RYR3: variants seen among roughly 807,000 people sequenced by gnomAD.
The protein encoded by RYR3 is ryanodine receptor 3, also known as brain ryanodine receptor-calcium release channel.
RYR3 carries 207 observed loss-of-function variants against 584.3 expected under a neutral mutation model. The observed-to-expected ratio is 0.35, with a 90% CI of 0.32 to 0.40. The LOEUF is 0.40. RYR3 is among the 10% of genes least tolerant of loss of function. RYR3 has a pLI of 1.00. For missense variants in RYR3, 5,616 were observed against 6,089.2 expected (o/e 0.92, Z 2.59); for synonymous variants, 2,416 against 2,248.5 (o/e 1.07, Z -2.11).
chr15:33,434,947 A>G (rs1007821186), intron 1 of RYR3, among the ~76,000 whole-genome samples: 17 of 152,212 alleles, frequency 1.1e-4, no homozygotes, highest in African/African-American at 3.9e-4. Flanking sequence ...CCTCCCGAGT[A>G]GCTGGGACTA....
At chr15:33,817,027 G>A in intron 75 of RYR3, 69 bp downstream of exon 75, 1 of 897,334 alleles carries the variant, frequency 1.1e-6, no homozygotes, top group Admixed American at 2.1e-5. Context: ...CATGTGTGTG[G>A]TTGTAACAGT....
intron 19 of RYR3, among the ~76,000 whole-genome samples, chr15:33,623,413 A>T (rs971120677): frequency 1.4e-5 from 2 of 147,982 alleles, no homozygotes; most frequent in Non-Finnish European, 3.0e-5. Context: ...TCCCTCGAGA[A>T]GAGTTGAAGT....
At chr15:33,663,040 G>T in intron 35 of RYR3, 92 bp downstream of exon 35, 2 of 1,165,438 alleles carry the variant, frequency 1.7e-6, no homozygotes, top group South Asian at 1.4e-5. Flanking sequence ...AGGAGGTAAG[G>T]TATGTCAAGT....
At chr15:33,687,313 A>G (rs1334930178) in intron 38 of RYR3, among the ~76,000 whole-genome samples, 1 of 152,244 alleles carries the variant, frequency 6.6e-6, no homozygotes, top group Non-Finnish European at 1.5e-5. Context: ...CCCATTCGCA[A>G]TTGCTACAAA....
chr15:33,854,306 A>G, intron 96 of RYR3, 83 bp from the exon 97 acceptor site: 1 of 1,164,804 alleles, frequency 8.6e-7, no homozygotes, highest in Non-Finnish European at 1.2e-6. Context: ...AACCTGAGAG[A>G]AAAAACTTAC....
rs1429796313 is a variant in RYR3, at chr15:33,865,406, A to C, written c.*180A>C. On this transcript the variant is annotated 3_prime_UTR_variant, in exon 104 of 104. Coordinates refer to ENST00000634891, the MANE Select transcript of RYR3 (RefSeq NM_001036.6). ...ATTTGGCTTTTTGTGCCTAATGGAC[A>C]TACACTGTGGGAGAGAACCTGTCAA... The C allele has an allele frequency of 5.2e-6, 3 of 575,516 alleles. No homozygotes were observed. Among genetic ancestry groups the C allele is most frequent in the Middle Eastern group, 3.2e-4 (1 of 3,138 alleles). The allele number at this position is 575,516 out of a possible 1,614,324, so 35.7% of individuals were successfully genotyped here. A position where few individuals can be genotyped will look rare whatever the true frequency, so the allele number is the denominator to read the frequency against.
At chr15:33,398,651 G>C (rs2042440564) in intron 1 of RYR3, among the ~76,000 whole-genome samples, 2 of 152,220 alleles carry the variant, frequency 1.3e-5, no homozygotes, top group African/African-American at 4.8e-5. Flanking sequence ...TCTCTCCCAG[G>C]TGGGTGGAGG....
intron 53 of RYR3, among the ~76,000 whole-genome samples, chr15:33,747,342 A>G (rs911013380): frequency 6.8e-6 from 1 of 146,398 alleles, no homozygotes; most frequent in East Asian, 2.0e-4. Context: ...CATGTTGACT[A>G]CCTATTAAAT....
chr15:33,592,254 C>T (rs1369534366), intron 16 of RYR3, among the ~76,000 whole-genome samples: 3 of 152,200 alleles, frequency 2.0e-5, no homozygotes, highest in Non-Finnish European at 4.4e-5. Context: ...GCTTCACCAT[C>T]CCCTAAGGGC....
chr15:33,432,729 C>T (rs1185330484), intron 1 of RYR3, among the ~76,000 whole-genome samples: 1 of 141,804 alleles, frequency 7.1e-6, no homozygotes, highest in Non-Finnish European at 1.5e-5. Flanking sequence ...ACTATGTTGG[C>T]TAGGCTAGTC....
Position 33,696,205 on chromosome 15 carries a change from G to C in RYR3, c.5861-13G>C, listed in dbSNP as rs756509710. On this transcript the variant is annotated splice_polypyrimidine_tract_variant and intron_variant, in intron 38 of 103. Coordinates refer to ENST00000634891, the MANE Select transcript of RYR3 (RefSeq NM_001036.6). ...GACAGCCACAGTCCTGCTCCCTCCT[G>C]TTGTCCTTCCAGCAACATTGAAGGA... The C allele has an allele frequency of 1.2e-6, 2 of 1,610,796 alleles. No individual in the cohort carries two copies. The highest frequency in any genetic ancestry group is 1.7e-6 in the Non-Finnish European group (2 of 1,178,038).
chr15:33,626,736 G>A (rs1373088065), intron 20 of RYR3, among the ~76,000 whole-genome samples: 1 of 152,174 alleles, frequency 6.6e-6, no homozygotes, highest in African/African-American at 2.4e-5. Context: ...GCTAAAAGGG[G>A]CCAAGGTACA....
At chr15:33,845,658 C>T (rs2078679408) in intron 93 of RYR3, among the ~76,000 whole-genome samples, 1 of 152,170 alleles carries the variant, frequency 6.6e-6, no homozygotes, top group South Asian at 2.1e-4. Flanking sequence ...ATTTCAGGTA[C>T]CTCTTGTTGA....
intron 74 of RYR3, among the ~76,000 whole-genome samples, chr15:33,814,550 C>T (rs1044751173): frequency 2.6e-5 from 4 of 152,134 alleles, no homozygotes; most frequent in African/African-American, 7.2e-5. Flanking sequence ...CCTATAACCT[C>T]GTCCTGAGCC....
Position 33,633,200 on chromosome 15 carries a change from A to G in RYR3, c.3027+92A>G. On this transcript the variant is annotated intron_variant, in intron 24 of 103. Transcript: ENST00000634891. Reference sequence around the variant, plus strand: ...TTTGGTGTGTGTTAGATCAGAAGGAAGAGTTTGCCTTTGCACTCTATCCCT... The same window carrying G: ...TTTGGTGTGTGTTAGATCAGAAGGAGGAGTTTGCCTTTGCACTCTATCCCT... The G allele has an allele frequency of 2.2e-6, 3 of 1,375,130 alleles. No individual in the cohort carries two copies. The South Asian group carries it at 4.2e-5, about 19-fold the overall frequency. The allele number at this position is 1,375,130 out of a possible 1,614,324, so 85.2% of individuals were successfully genotyped here.
chr15:33,625,965 G>C (rs997788310), intron 20 of RYR3, among the ~76,000 whole-genome samples: 1 of 152,174 alleles, frequency 6.6e-6, no homozygotes, highest in African/African-American at 2.4e-5. Context: ...TTATACCACT[G>C]TGGCATTTTC....
At chr15:33,396,403 A>G (rs1878300) in intron 1 of RYR3, among the ~76,000 whole-genome samples, 133,603 of 152,194 alleles carry the variant, frequency 0.88, 58,756 homozygotes, top group East Asian at 1. Flanking sequence ...CACCTGAATG[A>G]TCTTCTGGCC....
At chr15:33,760,114 C>T (rs1306177738) in intron 60 of RYR3, among the ~76,000 whole-genome samples, 1 of 152,162 alleles carries the variant, frequency 6.6e-6, no homozygotes, top group Non-Finnish European at 1.5e-5. Context: ...CCAGGCCTGC[C>T]TTACAAGAGC....
intron 52 of RYR3, 55 bp from the exon 53 acceptor site, chr15:33,746,013 A>G (rs981565904): frequency 1.5e-5 from 17 of 1,146,234 alleles, no homozygotes; most frequent in Non-Finnish European, 2.1e-5. Context: ...GATTTGGGTC[A>G]CATAGCGGGG....
Sources: allele counts gnomAD v4.1 joint callset (sites outside exome capture counted in the v4.1 genomes callset), GRCh38; gene constraint gnomAD v4.1.1; transcripts MANE v1.5; gene names NCBI Gene and HGNC (gene_info 2026-07-23, HGNC 2026-07-21).